NLGN1: variants seen among roughly 807,000 people sequenced by gnomAD.
NLGN1 encodes the protein neuroligin-1.
In NLGN1, 12 loss-of-function variants were observed where a neutral mutation model predicts 65.5. That is an observed-to-expected ratio of 0.18 (90% CI 0.12 to 0.30). NLGN1 has a LOEUF of 0.30. Among genes scored for constraint, NLGN1 ranks in the 10% least tolerant of loss-of-function variants. NLGN1 has a pLI of 1.00. For missense variants in NLGN1, 750 were observed against 1,007.1 expected, an observed-to-expected ratio of 0.74 and a Z score of 3.46; for synonymous variants, 350 against 359.5, an observed-to-expected ratio of 0.97 and a Z score of 0.30.
At chr3:173,415,943 A>AGAGCGC (rs141095727) in intron 1 of NLGN1, among the ~76,000 whole-genome samples, 22 of 142,870 alleles carry the variant, frequency 1.5e-4, no homozygotes, top group African/African-American at 5.0e-4. Context: ...AGAGAGAGAG[A>AGAGCGC]GCTTGGTATA....
intron 4 of NLGN1, among the ~76,000 whole-genome samples, chr3:174,191,416 T>A (rs1445241258): frequency 6.6e-6 from 1 of 152,178 alleles, no homozygotes; most frequent in Non-Finnish European, 1.5e-5. Flanking sequence ...AGCTTTCTTT[T>A]AAGCTGTTAG....
intron 4 of NLGN1, among the ~76,000 whole-genome samples, chr3:174,065,407 A>G (rs562723888): frequency 6.6e-6 from 1 of 152,272 alleles, no homozygotes; most frequent in South Asian, 2.1e-4. Flanking sequence ...TTATTTGATC[A>G]TATCTTTTGA....
At chr3:173,748,223 A>G (rs1345253793) in intron 3 of NLGN1, among the ~76,000 whole-genome samples, 1 of 152,082 alleles carries the variant, frequency 6.6e-6, no homozygotes, top group African/African-American at 2.4e-5. Flanking sequence ...ATCAAGAAGG[A>G]AGCAGGTAAA....
intron 3 of NLGN1, among the ~76,000 whole-genome samples, chr3:173,772,376 G>A (rs1300238710): frequency 6.6e-6 from 1 of 152,074 alleles, no homozygotes; most frequent in Non-Finnish European, 1.5e-5. Flanking sequence ...CCAGCACTTC[G>A]GGAGGCTGAG....
At chr3:173,795,174 C>T (rs1013378274) in intron 3 of NLGN1, among the ~76,000 whole-genome samples, 1 of 152,074 alleles carries the variant, frequency 6.6e-6, no homozygotes, top group Non-Finnish European at 1.5e-5. Context: ...AAATGACACT[C>T]ATTGTCATGA....
At chr3:173,555,606 A>G (rs1359473103) in intron 2 of NLGN1, among the ~76,000 whole-genome samples, 2 of 152,040 alleles carry the variant, frequency 1.3e-5, no homozygotes, top group Non-Finnish European at 2.9e-5. Context: ...CAGCCTCCCA[A>G]GTAGGTGGAT....
At chr3:173,828,655 G>T (rs995774823) in intron 4 of NLGN1, among the ~76,000 whole-genome samples, 1 of 152,108 alleles carries the variant, frequency 6.6e-6, no homozygotes, top group African/African-American at 2.4e-5. Flanking sequence ...GAAGGTGGCT[G>T]GGAAATTTGG....
chr3:173,499,520 ATT>A (rs1560344030), intron 2 of NLGN1, among the ~76,000 whole-genome samples: 16 of 151,854 alleles, frequency 1.1e-4, no homozygotes, highest in Admixed American at 6.5e-4. Flanking sequence ...TTGCGTTAGG[ATT>A]GACTTGGCAA....
intron 3 of NLGN1, among the ~76,000 whole-genome samples, chr3:173,752,538 A>C (rs987623349): frequency 2.0e-5 from 3 of 152,058 alleles, no homozygotes; most frequent in Non-Finnish European, 4.4e-5. Flanking sequence ...CTTATTTATC[A>C]TAGCATTAAT....
intron 4 of NLGN1, among the ~76,000 whole-genome samples, chr3:174,140,933 G>A (rs1470305539): frequency 2.0e-5 from 3 of 152,034 alleles, no homozygotes; most frequent in Non-Finnish European, 4.4e-5. Context: ...ATTGATGTTA[G>A]AAATTTATTT....
downstream of NLGN1, among the ~76,000 whole-genome samples, chr3:174,288,641 A>C (rs1577838901): frequency 2.0e-5 from 3 of 151,594 alleles, no homozygotes. Flanking sequence ...GTCTTTTCAC[A>C]ATTCTAATCA....
rs1178438689 is a variant in NLGN1, at chr3:174,084,009, G to A, written c.647-191306G>A. On this transcript the variant is annotated intron_variant, in intron 4 of 6. Transcript: ENST00000457714. ...ATCATTTTGTATTTTGCTGTAGAGT[G>A]AATACAAAAAGGTGATGCTTCTGCT... Among the ~76,000 whole-genome samples the A allele has an allele frequency of 3.3e-5, 5 of 152,250 alleles. No individual in the cohort carries two copies. The South Asian group carries it at 1.0e-3, about 32-fold the overall frequency.
intron 4 of NLGN1, among the ~76,000 whole-genome samples, chr3:173,903,639 TCAA>T (rs1737795510): frequency 6.6e-6 from 1 of 152,126 alleles, no homozygotes; most frequent in African/African-American, 2.4e-5. Flanking sequence ...GGCCTACATA[TCAA>T]GGTAGCTGTG....
At chr3:173,998,371 T>G (rs563048561) in intron 4 of NLGN1, among the ~76,000 whole-genome samples, 119 of 152,320 alleles carry the variant, frequency 7.8e-4, no homozygotes, top group African/African-American at 2.7e-3. Flanking sequence ...AGGAGGAAAC[T>G]TCCATTTTCT....
intron 4 of NLGN1, among the ~76,000 whole-genome samples, chr3:174,024,032 A>G (rs933828134): frequency 1.3e-5 from 2 of 151,748 alleles, no homozygotes; most frequent in African/African-American, 4.8e-5. Context: ...TGTGGATGCC[A>G]GTGTAGAGAG....
At chr3:174,163,671 A>G (rs1217597642) in intron 4 of NLGN1, among the ~76,000 whole-genome samples, 4 of 152,050 alleles carry the variant, frequency 2.6e-5, no homozygotes, top group Non-Finnish European at 5.9e-5. Context: ...CTTCTAATTG[A>G]GAACACACAG....
At position 173,756,134 on chromosome 3, in the gene NLGN1, ACACAAT is replaced by A. The variant is rs1039378224; in HGVS notation, c.494-51541_494-51536del. Among the ~76,000 whole-genome samples the A allele has an allele frequency of 5.3e-4, 15 of 28,488 alleles. 1 individual carries two copies. In the Admixed American group the frequency reaches 0.015, roughly 29 times the overall value. 18.7% of individuals were successfully genotyped at this position (28,488 alleles called of 152,430 possible). ...ATCTACATTAATGTTTTGGGATTTT[ACACAAT>A]CACATTTACACATTTTTTTTGTATC... On this transcript the variant is annotated intron_variant, in intron 3 of 6. Coordinates refer to ENST00000457714, the Ensembl canonical transcript of NLGN1.
At chr3:173,497,477 C>T (rs1242664221) in intron 2 of NLGN1, among the ~76,000 whole-genome samples, 1 of 151,686 alleles carries the variant, frequency 6.6e-6, no homozygotes, top group East Asian at 1.9e-4. Context: ...TATCAGCTCA[C>T]AAGATAATTT....
chr3:173,408,353 A>G (rs1362994090), intron 1 of NLGN1, among the ~76,000 whole-genome samples: 1 of 152,136 alleles, frequency 6.6e-6, no homozygotes, highest in Non-Finnish European at 1.5e-5. Context: ...GGTCATACTC[A>G]CCATCACTTA....
Sources: gnomAD v4.1 joint callset for allele counts (sites outside exome capture counted in the v4.1 genomes callset) on GRCh38, gnomAD v4.1.1 for gene constraint, MANE v1.5 for transcripts, NCBI Gene and HGNC (gene_info 2026-07-23, HGNC 2026-07-21) for gene names.